The following PCDHA1 variants were observed in gnomAD, a reference collection of about 807,000 sequenced individuals.
The protein encoded by PCDHA1 is protocadherin alpha 1, also known as protocadherin alpha-1.
A neutral mutation model predicts 61.3 loss-of-function variants in PCDHA1; 42 were observed. That is an observed-to-expected ratio of 0.69 (90% CI 0.54 to 0.89). The LOEUF (loss-of-function observed/expected upper bound fraction) is 0.89. PCDHA1 is among the 40% of genes least tolerant of loss of function. The pLI is 0.00. For synonymous variants in PCDHA1, 610 were observed against 553.8 expected (o/e 1.10, Z -1.43); for missense variants, 1,256 against 1,235.3 (o/e 1.02, Z -0.25).
intron 1 of PCDHA1, chr5:140,809,787 G>T: frequency 2.1e-6 from 1 of 480,742 alleles, no homozygotes. Context: ...CATATTAACA[G>T]AACTGTAATT....
chr5:140,875,378 T>C (rs758524366), intron 1 of PCDHA1: 85 of 1,458,484 alleles, frequency 5.8e-5, no homozygotes, highest in Non-Finnish European at 7.4e-5. Context: ...TTACTAAATA[T>C]GTACTTACAG....
intron 1 of PCDHA1, chr5:140,884,520 C>G (rs782029549): frequency 4.3e-6 from 7 of 1,613,918 alleles, no homozygotes; most frequent in Middle Eastern, 1.6e-4. Flanking sequence ...TGGTCGTACT[C>G]GCAGCAGAGG....
intron 1 of PCDHA1, among the ~76,000 whole-genome samples, chr5:140,898,264 C>T (rs1360270871): frequency 6.6e-6 from 1 of 152,166 alleles, no homozygotes; most frequent in Non-Finnish European, 1.5e-5. Context: ...AGTCCTTGCC[C>T]ATGCCTAAGT....
At position 140,876,690 on chromosome 5, in the gene PCDHA1, G is replaced by A. The variant is rs73793508; in HGVS notation, c.2394+88006G>A. The A allele has an allele frequency of 1.7e-3, 2,720 of 1,614,174 alleles. 43 individuals are homozygous for A. The African/African-American group carries it at 0.033, about 20-fold the overall frequency. ...TGTCCACCTACAAGAATTACTACTC[G>A]TTGGTGCTGGACAGCGCCCTGGACC... On this transcript the variant is annotated intron_variant, in intron 1 of 3. Transcript: ENST00000504120.
At chr5:140,869,940 C>T in intron 1 of PCDHA1, 1 of 1,612,138 alleles carries the variant, frequency 6.2e-7, no homozygotes, top group African/African-American at 1.3e-5. Flanking sequence ...AGGTAACATA[C>T]TCCTTAATGT....
chr5:140,808,990 G>C (rs2879087), intron 1 of PCDHA1: 868,636 of 1,613,606 alleles, frequency 0.54, 235,525 homozygotes, highest in African/African-American at 0.7. Flanking sequence ...ATGCTGACTC[G>C]GGCTACAACG....
chr5:140,924,907 A>AAT (rs1554202344), intron 1 of PCDHA1, among the ~76,000 whole-genome samples: 14 of 50,940 alleles, frequency 2.7e-4, no homozygotes, highest in African/African-American at 6.9e-4. Context: ...AAAAAAAAAT[A>AAT]AAATAAAATA....
chr5:140,881,127 A>G (rs1274793505), intron 1 of PCDHA1, among the ~76,000 whole-genome samples: 1 of 152,234 alleles, frequency 6.6e-6, no homozygotes, highest in Non-Finnish European at 1.5e-5. Context: ...GTGGCTTGGT[A>G]GAGATAGTTA....
At chr5:140,824,120 C>G in intron 1 of PCDHA1, 1 of 1,613,896 alleles carries the variant, frequency 6.2e-7, no homozygotes, top group Non-Finnish European at 8.5e-7. Context: ...CCCACCTCTA[C>G]AGACAACGTG....
chr5:140,959,480 T>C (rs1554224103), intron 1 of PCDHA1, among the ~76,000 whole-genome samples: 1 of 152,222 alleles, frequency 6.6e-6, no homozygotes, highest in Non-Finnish European at 1.5e-5. Context: ...TCAAGGCATA[T>C]TGTTATATAT....
chr5:140,845,303 T>C (rs937124524), intron 1 of PCDHA1, among the ~76,000 whole-genome samples: 1 of 149,684 alleles, frequency 6.7e-6, no homozygotes, highest in African/African-American at 2.4e-5. Flanking sequence ...TATGTCTACC[T>C]GGTTCTCAGG....
chr5:140,966,546 C>T, intron 1 of PCDHA1: 1 of 466,228 alleles, frequency 2.1e-6, no homozygotes, highest in Non-Finnish European at 3.7e-6. Context: ...GACTCGGAGG[C>T]GAGCGGAGGA....
chr5:140,877,161 G>C (rs2056901330), intron 1 of PCDHA1: 1 of 1,613,828 alleles, frequency 6.2e-7, no homozygotes, highest in Non-Finnish European at 8.5e-7. Context: ...ACAACGCGCC[G>C]GCACTGCTGG....
intron 1 of PCDHA1, chr5:140,869,243 G>T (rs1554162716): frequency 1.9e-6 from 3 of 1,613,544 alleles, no homozygotes; most frequent in Non-Finnish European, 2.5e-6. Context: ...TTCGTGGGCC[G>T]CATCGCGCAG....
intron 1 of PCDHA1, chr5:140,848,677 C>T: frequency 6.3e-7 from 1 of 1,592,256 alleles, no homozygotes; most frequent in Non-Finnish European, 8.6e-7. Context: ...GAGCTGGTGC[C>T]GCGCCTGTTC....
chr5:140,938,484 A>G (rs914020751), intron 1 of PCDHA1, among the ~76,000 whole-genome samples: 14 of 152,182 alleles, frequency 9.2e-5, no homozygotes, highest in African/African-American at 2.9e-4. Flanking sequence ...TTTAAAAATC[A>G]TGAATAGGCA....
At chr5:140,993,616 C>A (rs1554253872) in intron 3 of PCDHA1, among the ~76,000 whole-genome samples, 2 of 151,688 alleles carry the variant, frequency 1.3e-5, no homozygotes, top group Admixed American at 6.6e-5. Context: ...TTGTTGGGAC[C>A]CTCTATATAT....
intron 1 of PCDHA1, among the ~76,000 whole-genome samples, chr5:140,892,931 G>A (rs77081198): frequency 0.011 from 1,609 of 152,196 alleles, 17 homozygotes; most frequent in African/African-American, 0.028. Flanking sequence ...CCCAGCCTCT[G>A]ATAAGCACAA....
intron 1 of PCDHA1, chr5:140,969,195 A>G: frequency 6.2e-7 from 1 of 1,614,158 alleles, no homozygotes; most frequent in Non-Finnish European, 8.5e-7. Flanking sequence ...ATGTTTTACA[A>G]TACAGGGGCC....
Sources: gnomAD v4.1 joint callset for allele counts (sites outside exome capture counted in the v4.1 genomes callset) on GRCh38, gnomAD v4.1.1 for gene constraint, MANE v1.5 for transcripts, NCBI Gene and HGNC (gene_info 2026-07-23, HGNC 2026-07-21) for gene names.